Variants in SRGAP1 observed in about 807,000 individuals in gnomAD.
The protein encoded by SRGAP1 is SLIT-ROBO Rho GTPase activating protein 1.
In SRGAP1, 43 loss-of-function variants were observed where a neutral mutation model predicts 121.9. The ratio of observed to expected loss-of-function variants is 0.35; its 90% confidence interval spans 0.28 to 0.46. The LOEUF (loss-of-function observed/expected upper bound fraction) is 0.46. Ranked by LOEUF, SRGAP1 falls within the 20% of genes least tolerant of loss-of-function variation. The probability of loss-of-function intolerance (pLI) is 1.00; values close to 1 mark genes in which losing one functional copy is unlikely to be tolerated. For missense variants in SRGAP1, 1,102 were observed against 1,350.9 expected, an observed-to-expected ratio of 0.82 and a Z score of 2.89; for synonymous variants, 447 against 485.4, an observed-to-expected ratio of 0.92 and a Z score of 1.04.
chr12:64,090,640 G>T (rs1403757617), intron 11 of SRGAP1, among the ~76,000 whole-genome samples: 3 of 152,146 alleles, frequency 2.0e-5, no homozygotes, highest in Admixed American at 1.3e-4. Flanking sequence ...AGGAGTTCAA[G>T]ACCAGCCTGG....
chr12:64,117,927 G>A (rs1459264690), intron 18 of SRGAP1, among the ~76,000 whole-genome samples: 2 of 152,080 alleles, frequency 1.3e-5, no homozygotes, highest in Admixed American at 6.6e-5. Context: ...CACATATGTC[G>A]GGATTTCCTT....
At chr12:63,871,602 G>GC in intron 1 of SRGAP1, 1 of 513,442 alleles carries the variant, frequency 1.9e-6, no homozygotes, top group South Asian at 2.3e-5. Flanking sequence ...TATGGCTCAT[G>GC]CAAGTTAGTG....
chr12:63,949,332 G>GT lies in SRGAP1; in HGVS notation c.68-34601dup, dbSNP rs71434040. Among the ~76,000 whole-genome samples, 951 of 124,328 alleles carry GT rather than the reference G, an allele frequency of 7.6e-3. 5 individuals carry two copies. The highest frequency in any genetic ancestry group is 0.016 in the African/African-American group (515 of 33,124). 81.6% of individuals were successfully genotyped at this position (124,328 alleles called of 152,430 possible). ...TATGATAGCTGCTTAGTCACAACTT[G>GT]TTTTTTTTTTTTTTGCTGTTGGTCT... On this transcript the variant is annotated intron_variant, in intron 1 of 21. Coordinates refer to ENST00000355086, the MANE Select transcript of SRGAP1 (RefSeq NM_020762.4).
At chr12:64,120,895 T>C (rs2036595632) in intron 18 of SRGAP1, among the ~76,000 whole-genome samples, 1 of 152,206 alleles carries the variant, frequency 6.6e-6, no homozygotes, top group Non-Finnish European at 1.5e-5. Flanking sequence ...TTAATGCAAT[T>C]ACAAAGGTTG....
chr12:63,984,556 C>T (rs955239822), intron 2 of SRGAP1, among the ~76,000 whole-genome samples: 2 of 152,066 alleles, frequency 1.3e-5, no homozygotes, highest in African/African-American at 4.8e-5. Flanking sequence ...TTTGTGCCCC[C>T]CTTCCTGCCC....
chr12:63,869,148 T>C (rs7304340), intron 1 of SRGAP1, among the ~76,000 whole-genome samples: 43,839 of 152,020 alleles, frequency 0.29, 7,216 homozygotes, highest in East Asian at 0.56. Context: ...AGGTAATTTA[T>C]AATGAAAATA....
rs114425840 is a variant in SRGAP1, at chr12:64,042,728, T to G, written c.490-62T>G. ...GTATCATATACGTCGTATAAATGGT[T>G]CCCATTCACTCTCTAAATGACAGAC... On this transcript the variant is annotated intron_variant, in intron 4 of 21. Transcript: ENST00000355086. 4.4e-3 allele frequency: 5,946 copies of G among 1,342,980 alleles called. 228 individuals carry two copies. The African/African-American group carries it at 0.076, about 17-fold the overall frequency. The allele number at this position is 1,342,980 out of a possible 1,614,324, so 83.2% of individuals were successfully genotyped here. A position where few individuals can be genotyped will look rare whatever the true frequency, so the allele number is the denominator to read the frequency against.
At chr12:64,053,094 G>C (rs1463154021) in intron 6 of SRGAP1, among the ~76,000 whole-genome samples, 2 of 152,184 alleles carry the variant, frequency 1.3e-5, no homozygotes, top group African/African-American at 4.8e-5. Flanking sequence ...TGAATTGTTG[G>C]AGCAGAAATG....
chr12:64,087,048 A>G (rs1046932538), intron 11 of SRGAP1, 22 bp downstream of exon 11: 1 of 1,559,758 alleles, frequency 6.4e-7, no homozygotes, highest in Non-Finnish European at 8.8e-7. Context: ...TTTTATCATA[A>G]CTTATAGCGT....
Position 64,016,976 on chromosome 12 carries a change from T to C in SRGAP1, c.453T>C (p.His151=). Residue 151 remains histidine (H), a synonymous_variant, in exon 4 of 22, where the codon CAT becomes CAC. Transcript: ENST00000355086. ...GCAAAGAGATTGCATTCCAACTTCA[T>C]GAGGATTTAATGAAGGTTCTTAATG... ...KKSKEIAFQL[H]EDLMKVLNEL... 1.3e-6 allele frequency: 2 copies of C among 1,552,454 alleles called. No individual in the cohort carries two copies. Among genetic ancestry groups the C allele is most frequent in the Admixed American group, 1.7e-5 (1 of 58,718 alleles).
In SRGAP1 at chr12:64,094,957, T is replaced by C. The variant is rs202173847; in HGVS notation, c.1565T>C (p.Ile522Thr). 30 of 1,614,142 alleles carry C rather than the reference T, an allele frequency of 1.9e-5. No individual in the cohort carries two copies. The highest frequency in any genetic ancestry group is 1.3e-4 in the African/African-American group (10 of 75,050). ...GACTCAGGACAGGTTATTCCCCTCA[T>C]TGTGGAAAGCTGTATTCGGTTCATC... is the stretch of plus-strand genomic sequence containing the variant. Reference protein sequence around the residue: ...VKDSGQVIPLIVESCIRFINL... With the variant: ...VKDSGQVIPLTVESCIRFINL... Residue 522 changes from isoleucine to threonine, a missense_variant, in exon 13 of 22, where the codon ATT (isoleucine) becomes ACT (threonine). Physicochemically the swap from Ile to Thr is moderately conservative, Grantham distance 89. Transcript: ENST00000355086.
intron 8 of SRGAP1, among the ~76,000 whole-genome samples, chr12:64,077,860 C>T (rs917075737): frequency 1.3e-5 from 2 of 152,064 alleles, no homozygotes; most frequent in South Asian, 4.1e-4. Context: ...ATATTTGCAA[C>T]ACATACAACT....
intron 1 of SRGAP1, among the ~76,000 whole-genome samples, chr12:63,925,426 A>G (rs1283702721): frequency 6.6e-6 from 1 of 152,218 alleles, no homozygotes; most frequent in Non-Finnish European, 1.5e-5. Context: ...TGTGTATATT[A>G]AAAAGCTTCA....
intron 1 of SRGAP1, among the ~76,000 whole-genome samples, chr12:63,972,917 G>T (rs1359622966): frequency 1.3e-5 from 2 of 152,134 alleles, no homozygotes; most frequent in African/African-American, 4.8e-5. Flanking sequence ...GGAGGCCGAG[G>T]TGGGCAGATC....
intron 1 of SRGAP1, among the ~76,000 whole-genome samples, chr12:63,956,259 G>A (rs1329023069): frequency 3.3e-5 from 5 of 152,142 alleles, no homozygotes; most frequent in South Asian, 2.1e-4. Context: ...GGGCTCAAGC[G>A]ATCTTAAACT....
At chr12:64,109,594 A>T (rs2036399673) in intron 16 of SRGAP1, among the ~76,000 whole-genome samples, 1 of 152,182 alleles carries the variant, frequency 6.6e-6, no homozygotes, top group Non-Finnish European at 1.5e-5. Flanking sequence ...TATTCTTTTA[A>T]TTTCAGCAAC....
In SRGAP1 at chr12:63,923,197, T is replaced by A. The variant is rs184602417; in HGVS notation, c.68-60750T>A. Among the ~76,000 whole-genome samples the A allele has an allele frequency of 3.7e-4, 56 of 152,354 alleles. No homozygotes were observed. In the East Asian group the frequency reaches 0.01, roughly 28 times the overall value. ...CTACCAGCCTTTTCTTATGTACTTT[T>A]ATGCATTATTGCCCTAAAGTTGGAT... is the stretch of plus-strand genomic sequence containing the variant. On this transcript the variant is annotated intron_variant, in intron 1 of 21. Coordinates refer to ENST00000355086, the MANE Select transcript of SRGAP1 (RefSeq NM_020762.4).
chr12:63,845,019 G>T (rs923419158), intron 1 of SRGAP1, 136 bp downstream of exon 1: 1 of 836,394 alleles, frequency 1.2e-6, no homozygotes, highest in Non-Finnish European at 2.0e-6. Flanking sequence ...TGAGCCACCT[G>T]GGCTTCCTAC....
Position 64,098,159 on chromosome 12 carries a change from A to AC in SRGAP1, c.1813+790dup, listed in dbSNP as rs1349651999. ...AAAGAAATCTCCGTACAGTCCCTCC[A>AC]CCCCCCATCTGAATCAACAAGTCCT... is the stretch of plus-strand genomic sequence containing the variant. On this transcript the variant is annotated intron_variant, in intron 15 of 21. Coordinates refer to ENST00000355086, the MANE Select transcript of SRGAP1 (RefSeq NM_020762.4). Among the ~76,000 whole-genome samples the AC allele has an allele frequency of 7.3e-5, 11 of 151,638 alleles. No homozygotes were observed. In the East Asian group the frequency reaches 1.7e-3, roughly 24 times the overall value.
Sources: allele counts gnomAD v4.1 joint callset (sites outside exome capture counted in the v4.1 genomes callset), GRCh38; gene constraint gnomAD v4.1.1; transcripts MANE v1.5; gene names NCBI Gene and HGNC (gene_info 2026-07-23, HGNC 2026-07-21).